FLRT2: variants seen among roughly 807,000 people sequenced by gnomAD.
FLRT2 encodes leucine-rich repeat transmembrane protein FLRT2.
In FLRT2, 15 loss-of-function variants were observed where a neutral mutation model predicts 40.0. The observed-to-expected ratio is 0.38, with a 90% CI of 0.25 to 0.58. The LOEUF (loss-of-function observed/expected upper bound fraction) is 0.58. Among genes scored for constraint, FLRT2 ranks in the 20% least tolerant of loss-of-function variants. The probability of loss-of-function intolerance (pLI) is 0.71; values close to 1 mark genes in which losing one functional copy is unlikely to be tolerated. For missense variants in FLRT2, 726 were observed against 840.0 expected (o/e 0.86, Z 1.68); for synonymous variants, 380 against 336.8 (o/e 1.13, Z -1.41).
Position 85,577,111 on chromosome 14 carries a change from C to T in FLRT2, c.-376-44028C>T, listed in dbSNP as rs371562523. Among the ~76,000 whole-genome samples the T allele has an allele frequency of 8.5e-5, 13 of 152,184 alleles. No homozygotes were observed. In the East Asian group the frequency reaches 1.4e-3, roughly 16 times the overall value. ...GTAATGCATTACCACTTGCGGTTTT[C>T]GCTTGGGGTTGGTAAATCTGAGGCC... On this transcript the variant is annotated intron_variant, in intron 1 of 1. Transcript: ENST00000330753.
At chr14:85,611,240 G>A (rs1892843427) in intron 1 of FLRT2, among the ~76,000 whole-genome samples, 1 of 130,058 alleles carries the variant, frequency 7.7e-6, no homozygotes, top group Admixed American at 8.3e-5. Flanking sequence ...GCTCACCTGT[G>A]CGTCACACGG....
At chr14:85,601,964 T>A (rs1313563440) in intron 1 of FLRT2, among the ~76,000 whole-genome samples, 3 of 152,166 alleles carry the variant, frequency 2.0e-5, no homozygotes, top group Non-Finnish European at 4.4e-5. Flanking sequence ...GTGGGAGTGT[T>A]CATTGTCTAC....
chr14:85,605,314 CT>C (rs1338405971), intron 1 of FLRT2, among the ~76,000 whole-genome samples: 1 of 152,134 alleles, frequency 6.6e-6, no homozygotes, highest in Non-Finnish European at 1.5e-5. Flanking sequence ...GTGCTCAACA[CT>C]TTTGCTTGAG....
At chr14:85,608,665 T>C (rs1446138752) in intron 1 of FLRT2, among the ~76,000 whole-genome samples, 1 of 152,220 alleles carries the variant, frequency 6.6e-6, no homozygotes, top group African/African-American at 2.4e-5. Flanking sequence ...CTTAAAGTTT[T>C]TGTGTTTCTT....
At chr14:85,548,040 A>G (rs1198623005) in intron 1 of FLRT2, among the ~76,000 whole-genome samples, 1 of 152,240 alleles carries the variant, frequency 6.6e-6, no homozygotes, top group African/African-American at 2.4e-5. Flanking sequence ...TTGCCCAAGC[A>G]GTTCCTAGCT....
chr14:85,534,089 G>C (rs75259783), intron 1 of FLRT2, among the ~76,000 whole-genome samples: 2,172 of 152,288 alleles, frequency 0.014, 53 homozygotes, highest in African/African-American at 0.049. Flanking sequence ...CTGGCAGAAA[G>C]TAAGAGGGAG....
In FLRT2 at chr14:85,641,686, C is replaced by A. The variant is rs1566773908; in HGVS notation, c.*18189C>A. Reference sequence around the variant, plus strand: ...CTGCTTTGAATAAATGGAATAATTTCTGTTTCCTGCATTTTATCTTGTTGG... The same window carrying A: ...CTGCTTTGAATAAATGGAATAATTTATGTTTCCTGCATTTTATCTTGTTGG... On this transcript the variant is annotated 3_prime_UTR_variant, in exon 2 of 2. Coordinates refer to ENST00000330753, the MANE Select transcript of FLRT2 (RefSeq NM_013231.6). 6.6e-6 allele frequency: 1 copy of A among 152,220 alleles called. No homozygotes were observed. The highest frequency in any genetic ancestry group is 1.5e-5 in the Non-Finnish European group (1 of 68,040). 9.4% of individuals were successfully genotyped at this position (152,220 alleles called of 1,614,324 possible).
chr14:85,556,519 G>A (rs1336657755), intron 1 of FLRT2, among the ~76,000 whole-genome samples: 3 of 152,194 alleles, frequency 2.0e-5, no homozygotes, highest in Non-Finnish European at 4.4e-5. Flanking sequence ...ACTCTGCAGG[G>A]CGCACCTATG....
rs1479506631 is a variant in FLRT2, at chr14:85,629,069, C to T, written c.*5572C>T. 4.6e-5 allele frequency: 7 copies of T among 152,040 alleles called. No homozygotes were observed. The highest frequency in any genetic ancestry group is 7.2e-5 in the African/African-American group (3 of 41,392). 9.4% of individuals were successfully genotyped at this position (152,040 alleles called of 1,614,324 possible). A position where few individuals can be genotyped will look rare whatever the true frequency, so the allele number is the denominator to read the frequency against. ...TCTACAGCACTATGTTAGGGTCTTC[C>T]GGGGATTCAGAGAAAAGTGTCTGTG... On this transcript the variant is annotated 3_prime_UTR_variant, in exon 2 of 2. Coordinates refer to ENST00000330753, the MANE Select transcript of FLRT2 (RefSeq NM_013231.6).
At chr14:85,563,129 T>A (rs945819813) in intron 1 of FLRT2, 7 of 151,832 alleles carry the variant, frequency 4.6e-5, no homozygotes, top group Non-Finnish European at 1.0e-4. Flanking sequence ...AAGGAACACA[T>A]ACTAAGTTTG....
In FLRT2 at chr14:85,630,843, T is replaced by C. The variant is rs1893848955; in HGVS notation, c.*7346T>C. The C allele has an allele frequency of 6.6e-6, 1 of 152,066 alleles. No individual in the cohort carries two copies. 9.4% of individuals were successfully genotyped at this position (152,066 alleles called of 1,614,324 possible). Reference sequence around the variant, plus strand: ...CTTGGTTCCCTGACTCTGACTTGGTTAAGACCCTTCCTTTAGTCTTTTTCT... The same window carrying C: ...CTTGGTTCCCTGACTCTGACTTGGTCAAGACCCTTCCTTTAGTCTTTTTCT... On this transcript the variant is annotated 3_prime_UTR_variant, in exon 2 of 2. Coordinates refer to ENST00000330753, the MANE Select transcript of FLRT2 (RefSeq NM_013231.6).
rs767410374 is a variant in FLRT2 at position 85,622,264 on chromosome 14, A to G, written c.750A>G (p.Pro250=). The G allele has an allele frequency of 3.1e-6, 5 of 1,614,100 alleles. No individual in the cohort carries two copies. The Admixed American group carries it at 5.0e-5, about 16-fold the overall frequency. The change falls in exon 2 of 2, where the codon CCA becomes CCG. Residue 250 remains proline (P), a synonymous_variant. Coordinates refer to ENST00000330753, the MANE Select transcript of FLRT2 (RefSeq NM_013231.6). ...TGTCCCACCCTCCTCCCGATCTCCC[A>G]GGTACGCATCTGATCAGGCTCTATT... The part of the protein sequence containing the change: ...NSLSHPPPDL[P]GTHLIRLYLQ...
intron 1 of FLRT2, among the ~76,000 whole-genome samples, chr14:85,613,317 A>G (rs779053581): frequency 3.9e-5 from 6 of 152,280 alleles, no homozygotes; most frequent in South Asian, 2.1e-4. Flanking sequence ...CTGCAGTACT[A>G]TAAGTCAATA....
chr14:85,540,809 C>T (rs1888944092), intron 1 of FLRT2, among the ~76,000 whole-genome samples: 1 of 151,966 alleles, frequency 6.6e-6, no homozygotes, highest in Admixed American at 6.6e-5. Context: ...AAATTACTTG[C>T]ATAGTTCGGC....
At chr14:85,617,873 T>C (rs1306031406) in intron 1 of FLRT2, among the ~76,000 whole-genome samples, 1 of 152,218 alleles carries the variant, frequency 6.6e-6, no homozygotes, top group Non-Finnish European at 1.5e-5. Context: ...GATGGGACTT[T>C]TCTCCTATTA....
chr14:85,617,998 C>T (rs556432990), intron 1 of FLRT2, among the ~76,000 whole-genome samples: 1 of 152,322 alleles, frequency 6.6e-6, no homozygotes, highest in African/African-American at 2.4e-5. Context: ...AATATGCCTG[C>T]AAGAGAGCAA....
chr14:85,542,240 A>G (rs960811415), intron 1 of FLRT2, among the ~76,000 whole-genome samples: 4 of 152,148 alleles, frequency 2.6e-5, no homozygotes, highest in Non-Finnish European at 5.9e-5. Flanking sequence ...AACAAATAGC[A>G]GTGTTCAGAT....
intron 1 of FLRT2, among the ~76,000 whole-genome samples, chr14:85,585,417 G>T (rs1891572247): frequency 6.6e-6 from 1 of 152,098 alleles, no homozygotes; most frequent in African/African-American, 2.4e-5. Context: ...GCCCAGCAGT[G>T]TTCAGTTATA....
chr14:85,555,481 C>T (rs1889889398), intron 1 of FLRT2, among the ~76,000 whole-genome samples: 1 of 152,044 alleles, frequency 6.6e-6, no homozygotes, highest in African/African-American at 2.4e-5. Flanking sequence ...AGGGGTTTCC[C>T]CTTATAAAAC....
Sources: gnomAD v4.1 joint callset for allele counts (sites outside exome capture counted in the v4.1 genomes callset) on GRCh38, gnomAD v4.1.1 for gene constraint, MANE v1.5 for transcripts, NCBI Gene and HGNC (gene_info 2026-07-23, HGNC 2026-07-21) for gene names.